WAPL: variants seen among roughly 807,000 people sequenced by gnomAD.
WAPL encodes wings apart-like protein homolog.
WAPL carries 5 observed loss-of-function variants against 121.0 expected under a neutral mutation model. That is an observed-to-expected ratio of 0.04 (90% CI 0.02 to 0.09). The LOEUF (loss-of-function observed/expected upper bound fraction) is 0.09. Among genes scored for constraint, WAPL ranks in the 10% least tolerant of loss-of-function variants. The pLI is 1.00. For synonymous variants in WAPL, 480 were observed against 481.5 expected (o/e 1.00, Z 0.04); for missense variants, 999 against 1,410.8 (o/e 0.71, Z 4.68).
chr10:86,489,310 T>C (rs1589525452), intron 4 of WAPL, among the ~76,000 whole-genome samples: 4 of 152,294 alleles, frequency 2.6e-5, no homozygotes, highest in Admixed American at 2.6e-4. Context: ...TAAAGAACAT[T>C]ACTGGGACAA....
chr10:86,510,966 A>T (rs1842452279), intron 2 of WAPL, among the ~76,000 whole-genome samples: 1 of 150,110 alleles, frequency 6.7e-6, no homozygotes, highest in Admixed American at 6.7e-5. Flanking sequence ...AGCTGGAACT[A>T]CGGGTGCACC....
At position 86,437,050 on chromosome 10, in the gene WAPL, T is replaced by C. The variant is rs1849341221; in HGVS notation, c.*493A>G. ...AAAGCTTTATTTACGATTGGAATCATTCAACAAAAAAGCAAAAGCAAATGA... is the reference window on the plus strand; with the variant it reads ...AAAGCTTTATTTACGATTGGAATCACTCAACAAAAAAGCAAAAGCAAATGA... On this transcript the variant is annotated 3_prime_UTR_variant, in exon 19 of 19. Transcript: ENST00000298767. 1 of 152,894 alleles carries C rather than the reference T, an allele frequency of 6.5e-6. No homozygotes were observed. Among genetic ancestry groups the C allele is most frequent in the Non-Finnish European group, 1.5e-5 (1 of 68,232 alleles). 9.5% of individuals were successfully genotyped at this position (152,894 alleles called of 1,614,324 possible).
At chr10:86,467,654 T>TA in intron 8 of WAPL, 148 bp from the exon 9 acceptor site, 1 of 614,322 alleles carries the variant, frequency 1.6e-6, no homozygotes, top group Non-Finnish European at 2.6e-6. Context: ...AAAAACGTTT[T>TA]ATTCAGCGGT....
At chr10:86,493,172 A>G (rs1360441054) in intron 4 of WAPL, among the ~76,000 whole-genome samples, 1 of 152,142 alleles carries the variant, frequency 6.6e-6, no homozygotes, top group Admixed American at 6.5e-5. Context: ...AAAATATGAA[A>G]AGACATTTTG....
chr10:86,493,292 C>G (rs751961810), intron 4 of WAPL, among the ~76,000 whole-genome samples: 4 of 151,838 alleles, frequency 2.6e-5, no homozygotes, highest in Non-Finnish European at 4.4e-5. Flanking sequence ...TTAAGAAATG[C>G]AGGCAACTTA....
rs148541737 is a variant in WAPL at position 86,482,742 on chromosome 10, A to G, written c.1645-8769T>C. 1.1e-4 allele frequency among the ~76,000 whole-genome samples: 17 copies of G among 152,308 alleles called. No homozygotes were observed. In the East Asian group the frequency reaches 3.1e-3, roughly 28 times the overall value. On this transcript the variant is annotated intron_variant, in intron 4 of 18. Coordinates refer to ENST00000298767, the MANE Select transcript of WAPL (RefSeq NM_015045.5). ...AATTAAATACAGTAATAGATTATAAACCATTTGGGAAAAAGTAGGGATTCA... is the reference window on the plus strand; with the variant it reads ...AATTAAATACAGTAATAGATTATAAGCCATTTGGGAAAAAGTAGGGATTCA...
At chr10:86,449,230 T>C (rs1405195478) in intron 15 of WAPL, among the ~76,000 whole-genome samples, 2 of 152,208 alleles carry the variant, frequency 1.3e-5, no homozygotes, top group African/African-American at 2.4e-5. Context: ...CAGGCCAACG[T>C]TATCAGTAGC....
chr10:86,519,082 T>C (rs1407916068), intron 1 of WAPL, among the ~76,000 whole-genome samples: 1 of 152,222 alleles, frequency 6.6e-6, no homozygotes, highest in Non-Finnish European at 1.5e-5. Context: ...TATTTTCCTT[T>C]TCAATTTATA....
At position 86,500,666 on chromosome 10, in the gene WAPL, T is replaced by C; in HGVS notation, c.577A>G (p.Lys193Glu). 1 of 1,612,714 alleles carries C rather than the reference T, an allele frequency of 6.2e-7. No homozygotes were observed. The highest frequency in any genetic ancestry group is 8.5e-7 in the Non-Finnish European group (1 of 1,179,702). The change falls in exon 3 of 19, where the codon AAA becomes GAA. Residue 193 changes from lysine (K) to glutamate (E), a missense_variant. Transcript: ENST00000298767. Reference sequence around the variant, plus strand: ...GCCACTGTAGTTTCTGCATTGGGTTTCTTAGTACTGTCATCAGCATTTTTG... The same window carrying C: ...GCCACTGTAGTTTCTGCATTGGGTTCCTTAGTACTGTCATCAGCATTTTTG... ...IHKNADDSTK[K>E]PNAETTVASE...
chr10:86,480,051 C>T (rs941304039), intron 4 of WAPL, among the ~76,000 whole-genome samples: 3 of 152,130 alleles, frequency 2.0e-5, no homozygotes, highest in African/African-American at 7.2e-5. Context: ...AGGAAGACTA[C>T]AGAAACTCCT....
intron 14 of WAPL, 92 bp from the exon 15 acceptor site, chr10:86,452,223 C>T (rs1840999552): frequency 2.4e-6 from 3 of 1,262,796 alleles, no homozygotes; most frequent in Non-Finnish European, 3.3e-6. Context: ...AACTAAAAAG[C>T]TGAATATCAG....
At chr10:86,518,138 T>A (rs1457201598) in intron 1 of WAPL, 47 bp from the exon 2 acceptor site, 6 of 1,531,704 alleles carry the variant, frequency 3.9e-6, no homozygotes, top group Non-Finnish European at 5.3e-6. Context: ...AATACAAGTG[T>A]TAAACAGTGC....
At chr10:86,469,869 G>A (rs993709868) in intron 8 of WAPL, among the ~76,000 whole-genome samples, 1 of 152,100 alleles carries the variant, frequency 6.6e-6, no homozygotes, top group Admixed American at 6.6e-5. Context: ...ACTGTTAACT[G>A]CATAACAAAG....
At chr10:86,454,305 T>C (rs185027848) in intron 12 of WAPL, among the ~76,000 whole-genome samples, 1 of 152,348 alleles carries the variant, frequency 6.6e-6, no homozygotes, top group Admixed American at 6.5e-5. Flanking sequence ...TCATTCAAAT[T>C]GACATGTCTC....
At chr10:86,471,214 T>C (rs2132192017) in intron 7 of WAPL, 111 bp from the exon 8 acceptor site, 1 of 742,962 alleles carries the variant, frequency 1.3e-6, no homozygotes. Flanking sequence ...GGTCAAAGCA[T>C]TGCCCATACA....
intron 4 of WAPL, among the ~76,000 whole-genome samples, chr10:86,492,805 C>A (rs942373567): frequency 1.5e-4 from 23 of 152,088 alleles, no homozygotes; most frequent in African/African-American, 5.6e-4. Flanking sequence ...ACCTGTAATC[C>A]CAGCACTTTG....
chr10:86,450,332 T>C (rs1160175989), intron 15 of WAPL, among the ~76,000 whole-genome samples: 1 of 152,152 alleles, frequency 6.6e-6, no homozygotes, highest in Non-Finnish European at 1.5e-5. Flanking sequence ...AACTCCTGGG[T>C]GCAAGCAATC....
intron 11 of WAPL, among the ~76,000 whole-genome samples, chr10:86,459,339 T>C (rs1287881674): frequency 1.3e-5 from 2 of 152,218 alleles, no homozygotes; most frequent in East Asian, 1.9e-4. Context: ...ACACTGAATG[T>C]CAGAATAGAG....
At chr10:86,501,861 C>T (rs914981579) in intron 2 of WAPL, among the ~76,000 whole-genome samples, 10 of 152,236 alleles carry the variant, frequency 6.6e-5, no homozygotes, top group Middle Eastern at 3.4e-3. Flanking sequence ...CTGCCTAACT[C>T]CCCTTTTTAT....
Sources: allele counts gnomAD v4.1 joint callset (sites outside exome capture counted in the v4.1 genomes callset), GRCh38; gene constraint gnomAD v4.1.1; transcripts MANE v1.5; gene names NCBI Gene and HGNC (gene_info 2026-07-23, HGNC 2026-07-21).